The following PLCG2 variants were observed in gnomAD, a reference collection of about 807,000 sequenced individuals.
PLCG2 encodes the protein phospholipase C gamma 2, also known as 1-phosphatidylinositol 4,5-bisphosphate phosphodiesterase gamma-2.
PLCG2 carries 69 observed loss-of-function variants against 175.6 expected under a neutral mutation model. That is an observed-to-expected ratio of 0.39 (90% CI 0.32 to 0.48). PLCG2 has a LOEUF of 0.48. Among genes scored for constraint, PLCG2 ranks in the 20% least tolerant of loss-of-function variants. The pLI is 0.91. For missense variants in PLCG2, 1,798 were observed against 1,650.9 expected (o/e 1.09, Z -1.54); for synonymous variants, 827 against 624.0 (o/e 1.33, Z -4.85).
Position 81,959,835 on chromosome 16 carries a change from T to A in PLCG2, c.*1837T>A, listed in dbSNP as rs943737218. On this transcript the variant is annotated 3_prime_UTR_variant, in exon 33 of 33. Coordinates refer to ENST00000564138, the MANE Select transcript of PLCG2 (RefSeq NM_002661.5). The stretch of plus-strand genomic sequence containing the variant: ...AACCCCTCTCAGCTCTGTTAGGACT[T>A]CCACACAGCAGAGCTCAGGTGTTGC... 5.4e-6 allele frequency: 1 copy of A among 186,426 alleles called. No individual in the cohort carries two copies. Among genetic ancestry groups the A allele is most frequent in the African/African-American group, 2.3e-5 (1 of 42,686 alleles). The allele number at this position is 186,426 out of a possible 1,614,324, so 11.5% of individuals were successfully genotyped here.
chr16:81,889,508 C>T (rs979575199), intron 10 of PLCG2: 2 of 406,704 alleles, frequency 4.9e-6, no homozygotes, highest in African/African-American at 4.1e-5. Context: ...CTAGACAGAA[C>T]CGATTGATCA....
intron 11 of PLCG2, among the ~76,000 whole-genome samples, chr16:81,892,911 G>A (rs1234101884): frequency 6.7e-6 from 1 of 149,752 alleles, no homozygotes; most frequent in Non-Finnish European, 1.5e-5. Context: ...GCATTGGTGC[G>A]ATCTCAGCTC....
At chr16:81,774,742 G>GT (rs201394647), upstream of PLCG2, among the ~76,000 whole-genome samples, 1 of 150,902 alleles carries the variant, frequency 6.6e-6, no homozygotes, top group African/African-American at 2.5e-5. Flanking sequence ...CCCTCTAAGG[G>GT]TGTTTTTTTT....
chr16:81,772,661 A>G (rs1477844137), intron 2 of PLCG2, among the ~76,000 whole-genome samples: 3 of 150,888 alleles, frequency 2.0e-5, no homozygotes, highest in Non-Finnish European at 3.0e-5. Flanking sequence ...AATACAAAAA[A>G]AAAAAAAAAA....
intron 2 of PLCG2, among the ~76,000 whole-genome samples, chr16:81,841,199 G>C (rs991921897): frequency 6.7e-6 from 1 of 148,410 alleles, no homozygotes; most frequent in African/African-American, 2.5e-5. Context: ...AGGCCAAAAA[G>C]TAAACTTTAT....
chr16:81,822,172 G>T (rs1904828500), intron 2 of PLCG2, among the ~76,000 whole-genome samples: 1 of 152,088 alleles, frequency 6.6e-6, no homozygotes, highest in South Asian at 2.1e-4. Context: ...CAATTGTGGT[G>T]GGGTGTGGGG....
intron 2 of PLCG2, among the ~76,000 whole-genome samples, chr16:81,830,891 G>T (rs1413328103): frequency 1.3e-5 from 2 of 151,984 alleles, no homozygotes; most frequent in Non-Finnish European, 2.9e-5. Context: ...TGTCCAGGCA[G>T]GAGAGGGGAG....
upstream of PLCG2, among the ~76,000 whole-genome samples, chr16:81,776,456 A>G (rs960345262): frequency 2.0e-5 from 3 of 152,016 alleles, no homozygotes; most frequent in Non-Finnish European, 4.4e-5. Context: ...AAAAGAAAGA[A>G]TACACAGAAT....
At chr16:81,905,278 A>T (rs1324319484) in intron 14 of PLCG2, 125 bp from the exon 15 acceptor site, 1 of 676,628 alleles carries the variant, frequency 1.5e-6, no homozygotes, top group African/African-American at 1.8e-5. Context: ...ACTAAGAGGG[A>T]AGCCAGGCAG....
At chr16:81,805,307 G>C (rs1911946634) in intron 2 of PLCG2, among the ~76,000 whole-genome samples, 1 of 152,176 alleles carries the variant, frequency 6.6e-6, no homozygotes, top group South Asian at 2.1e-4. Flanking sequence ...AGACCATCCT[G>C]ACTAACACGG....
chr16:81,770,252 T>C (rs1910248089), intron 2 of PLCG2, among the ~76,000 whole-genome samples: 1 of 151,942 alleles, frequency 6.6e-6, no homozygotes, highest in African/African-American at 2.4e-5. Flanking sequence ...TGGGTGCTGC[T>C]CATCACCACC....
chr16:81,893,766 C>T lies in PLCG2; in HGVS notation c.1044C>T (p.Cys348=). The T allele has an allele frequency of 1.2e-5, 19 of 1,612,010 alleles. No homozygotes were observed. The highest frequency in any genetic ancestry group is 1.6e-5 in the Non-Finnish European group (19 of 1,178,812). The change falls in exon 12 of 33, where the codon TGC becomes TGT. Residue 348 remains cysteine, a synonymous_variant. Coordinates refer to ENST00000564138, the MANE Select transcript of PLCG2 (RefSeq NM_002661.5). The part of the protein sequence containing the change: ...SESSPEAYIR[C]LRMGCRCIEL... ...CGTCCCCAGAAGCTTACATCCGCTGCCTGCGCATGGGCTGTCGCTGCATTG... is the reference window on the plus strand; with the variant it reads ...CGTCCCCAGAAGCTTACATCCGCTGTCTGCGCATGGGCTGTCGCTGCATTG...
intron 31 of PLCG2, among the ~76,000 whole-genome samples, chr16:81,947,551 A>T (rs1911199055): frequency 6.6e-6 from 1 of 152,112 alleles, no homozygotes; most frequent in African/African-American, 2.4e-5. Context: ...CCAGGGAGAA[A>T]CTCTGGTAAA....
chr16:81,899,276 A>G (rs907200446), intron 13 of PLCG2, among the ~76,000 whole-genome samples: 18 of 131,794 alleles, frequency 1.4e-4, no homozygotes, highest in African/African-American at 3.4e-4. Context: ...GTGTGTATAT[A>G]TATATATATA....
intron 2 of PLCG2, among the ~76,000 whole-genome samples, chr16:81,773,550 G>T (rs1275984343): frequency 6.6e-6 from 1 of 152,108 alleles, no homozygotes; most frequent in Non-Finnish European, 1.5e-5. Flanking sequence ...GTACACTATT[G>T]CTCTTGGCTT....
intron 7 of PLCG2, among the ~76,000 whole-genome samples, chr16:81,872,514 T>A (rs1907566849): frequency 6.6e-6 from 1 of 152,208 alleles, no homozygotes; most frequent in South Asian, 2.1e-4. Flanking sequence ...CTGTGATATG[T>A]TCCAAGTAAC....
chr16:81,946,369 T>C, intron 31 of PLCG2, 106 bp downstream of exon 31: 2 of 800,268 alleles, frequency 2.5e-6, no homozygotes, highest in Non-Finnish European at 4.4e-6. Context: ...CCATTCAGAA[T>C]TGTCTAGCCC....
chr16:81,778,063 A>C (rs147226046), upstream of PLCG2, among the ~76,000 whole-genome samples: 28,029 of 102,126 alleles, frequency 0.27, 6,217 homozygotes, highest in East Asian at 0.55. Flanking sequence ...AACAAAAAAA[A>C]CCAAAAACAC....
chr16:81,894,966 G>A (rs534055974), intron 12 of PLCG2, among the ~76,000 whole-genome samples: 1 of 152,298 alleles, frequency 6.6e-6, no homozygotes, highest in South Asian at 2.1e-4. Context: ...CATCATGGAA[G>A]CAACGTTTTG....
Sources: allele counts gnomAD v4.1 joint callset (sites outside exome capture counted in the v4.1 genomes callset), GRCh38; gene constraint gnomAD v4.1.1; transcripts MANE v1.5; gene names NCBI Gene and HGNC (gene_info 2026-07-23, HGNC 2026-07-21).